DRC10: variants seen among roughly 807,000 people sequenced by gnomAD.
DRC10 encodes the protein dynein regulatory complex subunit 10, also known as IQ domain-containing protein D.
At chr12:113,202,876 T>C in the DRC10 span, 1 of 297,988 alleles carries the variant, frequency 3.4e-6, no homozygotes, top group African/African-American at 2.2e-5. Context: ...GCCACAGCTA[T>C]TTTGGGTGTC....
At chr12:113,207,625 T>C in the DRC10 span, 18 of 1,614,202 alleles carry the variant, frequency 1.1e-5, no homozygotes, top group Middle Eastern at 1.6e-4. Flanking sequence ...AATAAAATTC[T>C]GGGCTTCTGC....
chr12:113,211,580 G>T, the DRC10 span, among the ~76,000 whole-genome samples: 1 of 151,620 alleles, frequency 6.6e-6, no homozygotes, highest in Non-Finnish European at 1.5e-5. Context: ...AGTGAGCTAT[G>T]ATCAGGCCAC....
chr12:113,208,978 C>T, the DRC10 span, among the ~76,000 whole-genome samples: 1 of 152,202 alleles, frequency 6.6e-6, no homozygotes, highest in Non-Finnish European at 1.5e-5. Context: ...GTCGCCCAGG[C>T]TGCAGTGCAG....
At chr12:113,207,088 C>T in the DRC10 span, 10 of 367,252 alleles carry the variant, frequency 2.7e-5, no homozygotes, top group Middle Eastern at 9.7e-4. Context: ...ATTGGCCAGG[C>T]GCAGTGGCCA....
chr12:113,213,438 G>A, the DRC10 span, among the ~76,000 whole-genome samples: 1 of 152,164 alleles, frequency 6.6e-6, no homozygotes, highest in African/African-American at 2.4e-5. Flanking sequence ...AGCTAAGTAA[G>A]TTCTTGAGAA....
chr12:113,218,397 G>A, the DRC10 span, among the ~76,000 whole-genome samples: 1 of 151,994 alleles, frequency 6.6e-6, no homozygotes, highest in Non-Finnish European at 1.5e-5. Flanking sequence ...GCCTGCCTTG[G>A]CCTCCCAAAG....
chr12:113,208,056 C>G, the DRC10 span: 7 of 1,614,070 alleles, frequency 4.3e-6, no homozygotes, highest in South Asian at 1.1e-5. Flanking sequence ...TAGAGAGAAC[C>G]AAGGGTTTTA....
chr12:113,204,994 C>T, the DRC10 span, among the ~76,000 whole-genome samples: 1 of 152,044 alleles, frequency 6.6e-6, no homozygotes, highest in African/African-American at 2.4e-5. Flanking sequence ...GCCTGGTTCA[C>T]GCCCTCGCAT....
the DRC10 span, among the ~76,000 whole-genome samples, chr12:113,207,011 G>C: frequency 2.0e-5 from 3 of 152,134 alleles, no homozygotes; most frequent in East Asian, 5.8e-4. Flanking sequence ...AGTGTGCTGT[G>C]ATCATGCCAC....
At chr12:113,200,766 G>T in the DRC10 span, 1 of 1,535,232 alleles carries the variant, frequency 6.5e-7, no homozygotes, top group Non-Finnish European at 8.7e-7. Context: ...TGAGCACCTG[G>T]TGCAGGTGGT....
the DRC10 span, chr12:113,200,677 G>C: frequency 2.6e-5 from 40 of 1,536,078 alleles, no homozygotes; most frequent in African/African-American, 4.9e-4. Context: ...GGCCACCCTG[G>C]CCTGTGATGC....
the DRC10 span, among the ~76,000 whole-genome samples, chr12:113,215,272 C>T: frequency 1.3e-5 from 2 of 152,156 alleles, no homozygotes; most frequent in Admixed American, 6.6e-5. Flanking sequence ...TTGGGTAAGT[C>T]GATTAACCTC....
the DRC10 span, chr12:113,200,544 G>C: frequency 1.3e-5 from 19 of 1,417,898 alleles, no homozygotes; most frequent in East Asian, 2.6e-5. Flanking sequence ...CCCACCAGGG[G>C]CCCCCTCGGC....
At chr12:113,195,952 G>A in the DRC10 span, 1 of 1,532,800 alleles carries the variant, frequency 6.5e-7, no homozygotes, top group South Asian at 1.2e-5. Context: ...CCTCCTCCCT[G>A]AGGCCCCCTT....
At chr12:113,197,251 G>A in the DRC10 span, among the ~76,000 whole-genome samples, 5 of 148,856 alleles carry the variant, frequency 3.4e-5, no homozygotes, top group South Asian at 8.7e-4. Context: ...TGCCCAGGCC[G>A]GTCTTGAATT....
At chr12:113,217,569 T>C in the DRC10 span, among the ~76,000 whole-genome samples, 2 of 152,222 alleles carry the variant, frequency 1.3e-5, no homozygotes, top group African/African-American at 4.8e-5. Context: ...TCTCGCTCTG[T>C]CGCCCAGGCT....
At chr12:113,217,401 G>T in the DRC10 span, among the ~76,000 whole-genome samples, 964 of 151,978 alleles carry the variant, frequency 6.3e-3, 10 homozygotes, top group African/African-American at 0.022. Context: ...GTAAAACTCA[G>T]TGACTATTTT....
chr12:113,195,841 G>A, the DRC10 span: 3 of 1,613,498 alleles, frequency 1.9e-6, no homozygotes, highest in Non-Finnish European at 2.5e-6. Context: ...AGCTCCTCCA[G>A]CGAGATCTTC....
the DRC10 span, among the ~76,000 whole-genome samples, chr12:113,206,809 C>T: frequency 6.6e-6 from 1 of 151,600 alleles, no homozygotes; most frequent in Non-Finnish European, 1.5e-5. Flanking sequence ...CCTGTAACCC[C>T]AGCACTTTGG....
Sources: gnomAD v4.1 joint callset for allele counts (sites outside exome capture counted in the v4.1 genomes callset) on GRCh38, gnomAD v4.1.1 for gene constraint, MANE v1.5 for transcripts, NCBI Gene and HGNC (gene_info 2026-07-23, HGNC 2026-07-21) for gene names.